DYSF: variants seen among roughly 807,000 people sequenced by gnomAD.
The protein encoded by DYSF is dysferlin.
A neutral mutation model predicts 274.9 loss-of-function variants in DYSF; 212 were observed. The observed-to-expected ratio is 0.77, with a 90% CI of 0.69 to 0.86. The LOEUF (loss-of-function observed/expected upper bound fraction) is 0.86. Among genes scored for constraint, DYSF ranks in the 40% least tolerant of loss-of-function variants. DYSF has a pLI of 0.00. For synonymous variants in DYSF, 1,091 were observed against 1,078.7 expected, an observed-to-expected ratio of 1.01 and a Z score of -0.22; for missense variants, 2,666 against 2,783.2, an observed-to-expected ratio of 0.96 and a Z score of 0.95.
chr2:71,593,640 C>T (rs920142714), intron 32 of DYSF, among the ~76,000 whole-genome samples: 3 of 152,224 alleles, frequency 2.0e-5, no homozygotes, highest in African/African-American at 7.2e-5. Context: ...AGCTGAGTTA[C>T]TCTTCATTGT....
intron 22 of DYSF, among the ~76,000 whole-genome samples, chr2:71,559,650 A>G (rs1270401757): frequency 6.6e-6 from 1 of 152,120 alleles, no homozygotes; most frequent in East Asian, 1.9e-4. Flanking sequence ...GCACTTGTGC[A>G]CATGCTGCTC....
chr2:71,550,365 G>C (rs946546361), intron 17 of DYSF, among the ~76,000 whole-genome samples: 2 of 151,858 alleles, frequency 1.3e-5, no homozygotes, highest in African/African-American at 2.4e-5. Context: ...TGTAATTCTC[G>C]AACTCTCCTC....
chr2:71,622,137 T>TTTTTTTG (rs778538549), intron 41 of DYSF, among the ~76,000 whole-genome samples: 4 of 147,886 alleles, frequency 2.7e-5, no homozygotes, highest in Non-Finnish European at 6.0e-5. Flanking sequence ...TTTGTTTTTT[T>TTTTTTTG]TTTTTTTTTG....
At position 71,493,851 on chromosome 2, in the gene DYSF, C is replaced by CAAAAAA. The variant is rs145288384; in HGVS notation, c.240-9345_240-9340dup. 8.4e-4 allele frequency among the ~76,000 whole-genome samples: 58 copies of CAAAAAA among 69,138 alleles called. 2 individuals are homozygous for CAAAAAA. The highest frequency in any genetic ancestry group is 1.6e-3 in the African/African-American group (24 of 15,466). The allele number at this position is 69,138 out of a possible 152,430, so 45.4% of individuals were successfully genotyped here. ...TGGGTGATAGAGTGATACTCTGTCT[C>CAAAAAA]AAAAAAAAAAAAAAAAAAAAAAAGA... On this transcript the variant is annotated intron_variant, in intron 3 of 55. Transcript: ENST00000410020.
intron 33 of DYSF, 76 bp from the exon 34 acceptor site, chr2:71,600,626 T>C (rs957991290): frequency 6.2e-7 from 1 of 1,606,216 alleles, no homozygotes; most frequent in Non-Finnish European, 8.5e-7. Flanking sequence ...AAGGCACATG[T>C]AGACCTGATC....
intron 52 of DYSF, among the ~76,000 whole-genome samples, chr2:71,678,548 T>C (rs1232893390): frequency 1.3e-5 from 2 of 152,128 alleles, no homozygotes; most frequent in Non-Finnish European, 2.9e-5. Flanking sequence ...AATGGGGAGT[T>C]ATTGCTTAAT....
intron 26 of DYSF, 38 bp downstream of exon 26, chr2:71,568,376 C>T: frequency 6.2e-7 from 1 of 1,610,284 alleles, no homozygotes; most frequent in Non-Finnish European, 8.5e-7. Context: ...AGAGCCAGGC[C>T]AGGCTGCCCA....
At chr2:71,570,855 G>A in intron 29 of DYSF, 114 bp downstream of exon 29, 4 of 1,454,906 alleles carry the variant, frequency 2.7e-6, no homozygotes, top group Non-Finnish European at 2.8e-6. Flanking sequence ...AGCATGCACA[G>A]ACACCTGGGA....
chr2:71,580,231 A>G (rs1208485235), intron 30 of DYSF, among the ~76,000 whole-genome samples: 1 of 152,216 alleles, frequency 6.6e-6, no homozygotes, highest in Non-Finnish European at 1.5e-5. Flanking sequence ...TCGGGCAGCT[A>G]GAGAGGAGCT....
chr2:71,608,481 G>T (rs2093685667), intron 36 of DYSF, among the ~76,000 whole-genome samples: 1 of 152,142 alleles, frequency 6.6e-6, no homozygotes, highest in Non-Finnish European at 1.5e-5. Context: ...GATGCATGCT[G>T]TGGCCTCATG....
chr2:71,549,440 T>C, intron 17 of DYSF: 1 of 1,593,398 alleles, frequency 6.3e-7, no homozygotes, highest in Non-Finnish European at 8.6e-7. Context: ...GGCCTTGGGT[T>C]TTGGCTAGAG....
In DYSF at chr2:71,664,418, A is replaced by G. The variant is rs1210820177; in HGVS notation, c.5154A>G (p.Gly1718=). The G allele has an allele frequency of 3.1e-6, 5 of 1,613,702 alleles. No homozygotes were observed. In the African/African-American group the frequency reaches 4.0e-5, roughly 13 times the overall value. ...TGTCCAAGTTTGGGGCTCGCTGTGGACTCCCACAGACCTACTGTGTGTACG... is the reference window on the plus strand; with the variant it reads ...TGTCCAAGTTTGGGGCTCGCTGTGGGCTCCCACAGACCTACTGTGTGTACG... ...RLLSKFGARC[G]LPQTYCVSGP... The change falls in exon 46 of 56, where the codon GGA becomes GGG. Residue 1718 remains glycine, a synonymous_variant. Coordinates refer to ENST00000410020, the MANE Select transcript of DYSF (RefSeq NM_001130987.2).
intron 21 of DYSF, 115 bp from the exon 22 acceptor site, chr2:71,555,850 T>C: frequency 1.2e-6 from 1 of 836,898 alleles, no homozygotes; most frequent in Non-Finnish European, 2.0e-6. Flanking sequence ...CCTTCTTTGC[T>C]CTAACTGTTC....
Position 71,466,872 on chromosome 2 carries a change from C to T in DYSF, c.30C>T (p.Ser10=). 2 of 1,547,510 alleles carry T rather than the reference C, an allele frequency of 1.3e-6. No homozygotes were observed. The highest frequency in any genetic ancestry group is 1.7e-6 in the Non-Finnish European group (2 of 1,144,006). ...TGTGCTGCCTGCTGGTGAGGGCCAG[C>T]AACCTCCCCAGTGCGAAGAAGGACC... MLCCLLVRA[S]NLPSAKKDRR... Residue 10 remains serine (S), a synonymous_variant, in exon 1 of 56, where the codon AGC becomes AGT. Coordinates refer to ENST00000410020, the MANE Select transcript of DYSF (RefSeq NM_001130987.2).
At position 71,646,028 on chromosome 2, in the gene DYSF, C is replaced by T. The variant is rs199514141; in HGVS notation, c.4626+1965C>T. On this transcript the variant is annotated intron_variant, in intron 42 of 55. Transcript: ENST00000410020. ...TGCTAGGCACTCTGGAGGGCAGTTT[C>T]ACCAGTCAGCAAAAGTTGTCTCTGC... Among the ~76,000 whole-genome samples, 24 of 152,276 alleles carry T rather than the reference C, an allele frequency of 1.6e-4. No homozygotes were observed. The East Asian group carries it at 4.3e-3, about 27-fold the overall frequency.
intron 5 of DYSF, among the ~76,000 whole-genome samples, 185 bp downstream of exon 5, chr2:71,512,106 T>G (rs1380084144): frequency 1.3e-5 from 2 of 152,204 alleles, no homozygotes; most frequent in Non-Finnish European, 2.9e-5. Context: ...CCTTCTGCTG[T>G]GCAGAAAGAA....
At chr2:71,653,897 G>A (rs1398814405) in intron 42 of DYSF, among the ~76,000 whole-genome samples, 4 of 150,890 alleles carry the variant, frequency 2.7e-5, no homozygotes, top group South Asian at 2.1e-4. Context: ...ATAATCAAAC[G>A]TAACCATAAA....
At chr2:71,514,500 AT>A (rs1345073845) in intron 7 of DYSF, among the ~76,000 whole-genome samples, 1 of 152,246 alleles carries the variant, frequency 6.6e-6, no homozygotes, top group Non-Finnish European at 1.5e-5. Flanking sequence ...AATAAAAGCT[AT>A]TAATATGAAC....
At chr2:71,618,271 G>A (rs1320021896) in intron 40 of DYSF, among the ~76,000 whole-genome samples, 1 of 38,654 alleles carries the variant, frequency 2.6e-5, no homozygotes, top group African/African-American at 1.2e-4. Context: ...GTAGAGGTGT[G>A]TGTGTGTGGT....
Sources: allele counts gnomAD v4.1 joint callset (sites outside exome capture counted in the v4.1 genomes callset), GRCh38; gene constraint gnomAD v4.1.1; transcripts MANE v1.5; gene names NCBI Gene and HGNC (gene_info 2026-07-23, HGNC 2026-07-21).